The following OR1J2 variants were observed in gnomAD, a reference collection of about 807,000 sequenced individuals.
The protein encoded by OR1J2 is olfactory receptor family 1 subfamily J member 2, also known as olfactory receptor 1J2.
For synonymous variants in OR1J2, 142 were observed against 99.7 expected (o/e 1.42, Z -2.52); for missense variants, 304 against 246.1 (o/e 1.24, Z -1.57).
the OR1J2 span, among the ~76,000 whole-genome samples, chr9:122,534,752 G>A: frequency 6.6e-6 from 1 of 152,096 alleles, no homozygotes; most frequent in Non-Finnish European, 1.5e-5. Context: ...ACAGGTGGGA[G>A]GGAAAGAAGG....
chr9:122,565,715 T>C, the OR1J2 span, among the ~76,000 whole-genome samples: 1 of 152,246 alleles, frequency 6.6e-6, no homozygotes, highest in African/African-American at 2.4e-5. Context: ...ACTTACCTTC[T>C]CCCCACCTTC....
At chr9:122,489,931 T>G in the OR1J2 span, among the ~76,000 whole-genome samples, 11 of 152,106 alleles carry the variant, frequency 7.2e-5, no homozygotes, top group Non-Finnish European at 1.5e-4. Context: ...AGAGTAATAT[T>G]GTGAGAATTG....
the OR1J2 span, among the ~76,000 whole-genome samples, chr9:122,467,746 A>G: frequency 2.0e-5 from 3 of 152,334 alleles, no homozygotes; most frequent in Non-Finnish European, 2.9e-5. Context: ...CCCTGATCCT[A>G]CCTACTAAAA....
At chr9:122,526,187 A>G in the OR1J2 span, among the ~76,000 whole-genome samples, 1 of 152,204 alleles carries the variant, frequency 6.6e-6, no homozygotes, top group East Asian at 1.9e-4. Flanking sequence ...TCCAAGTTAC[A>G]TTATTAGATA....
chr9:122,488,333 T>C, the OR1J2 span, among the ~76,000 whole-genome samples: 15 of 152,220 alleles, frequency 9.9e-5, no homozygotes, highest in East Asian at 1.2e-3. Flanking sequence ...GAAATGGGGT[T>C]TTGCCATGTT....
the OR1J2 span, among the ~76,000 whole-genome samples, chr9:122,525,110 G>C: frequency 6.6e-6 from 1 of 152,138 alleles, no homozygotes; most frequent in Non-Finnish European, 1.5e-5. Context: ...GTTACATGAC[G>C]ATGCCCTGCT....
upstream of OR1J2, among the ~76,000 whole-genome samples, chr9:122,506,922 C>A (rs541032062): frequency 6.6e-6 from 1 of 152,308 alleles, no homozygotes; most frequent in African/African-American, 2.4e-5. Flanking sequence ...AGAATCCAAG[C>A]ATTCCAAAGT....
At chr9:122,483,397 T>C in the OR1J2 span, among the ~76,000 whole-genome samples, 2 of 152,316 alleles carry the variant, frequency 1.3e-5, no homozygotes, top group Admixed American at 1.3e-4. Context: ...TTTATTTATG[T>C]AATTCTATCC....
At chr9:122,455,948 C>G in the OR1J2 span, among the ~76,000 whole-genome samples, 27 of 152,156 alleles carry the variant, frequency 1.8e-4, no homozygotes, top group African/African-American at 6.3e-4. Context: ...GTTGAAGAGA[C>G]TATTCTTTCT....
chr9:122,567,996 G>A, the OR1J2 span: 1 of 1,614,142 alleles, frequency 6.2e-7, no homozygotes, highest in Non-Finnish European at 8.5e-7. Context: ...CAGCAGAAGT[G>A]TGTGCAGGAG....
At chr9:122,559,931 TTAAAGTCTCC>T in the OR1J2 span, among the ~76,000 whole-genome samples, 1 of 152,206 alleles carries the variant, frequency 6.6e-6, no homozygotes, top group Non-Finnish European at 1.5e-5. Flanking sequence ...CAGTGGGGTG[TTAAAGTCTCC>T]CACTATTATT....
chr9:122,510,219 G>T (rs1332754030), upstream of OR1J2, among the ~76,000 whole-genome samples: 1 of 152,122 alleles, frequency 6.6e-6, no homozygotes, highest in Admixed American at 6.5e-5. Context: ...ACCATGGCTG[G>T]TGAAGTCAGA....
chr9:122,526,954 CCAGG>C, the OR1J2 span: 1 of 1,614,086 alleles, frequency 6.2e-7, no homozygotes, highest in South Asian at 1.1e-5. Context: ...GCCATGGCAG[CCAGG>C]AAGAAGCTGT....
chr9:122,546,577 G>T, the OR1J2 span, among the ~76,000 whole-genome samples: 109 of 152,150 alleles, frequency 7.2e-4, 1 homozygote, highest in East Asian at 0.02. Context: ...AAATGCTACG[G>T]ATACAACTAG....
At chr9:122,514,842 G>A (rs1018256141), downstream of OR1J2, among the ~76,000 whole-genome samples, 6 of 152,236 alleles carry the variant, frequency 3.9e-5, no homozygotes, top group Middle Eastern at 3.4e-3. Flanking sequence ...CTCTTCCTAA[G>A]GACAGAGATT....
At chr9:122,465,384 G>A in the OR1J2 span, among the ~76,000 whole-genome samples, 2 of 152,158 alleles carry the variant, frequency 1.3e-5, no homozygotes, top group Admixed American at 1.3e-4. Flanking sequence ...AGATTAATAA[G>A]CAGAATGGGA....
chr9:122,514,640 C>A (rs970136859), downstream of OR1J2, among the ~76,000 whole-genome samples: 3 of 152,198 alleles, frequency 2.0e-5, no homozygotes, highest in Non-Finnish European at 1.5e-5. Flanking sequence ...CCTTTGTTTT[C>A]ATGTTTATAT....
chr9:122,547,620 AGTGTGTGTGT>A, the OR1J2 span, among the ~76,000 whole-genome samples: 60 of 142,982 alleles, frequency 4.2e-4, no homozygotes, highest in East Asian at 1.3e-3. Flanking sequence ...GTAGTAGTTC[AGTGTGTGTGT>A]GTGTGTGTGT....
At chr9:122,576,497 G>A in the OR1J2 span, among the ~76,000 whole-genome samples, 38,776 of 151,686 alleles carry the variant, frequency 0.26, 5,416 homozygotes, top group African/African-American at 0.32. Context: ...GGCCTCCCAA[G>A]GTTCTGGGAT....
Sources: gnomAD v4.1 joint callset for allele counts (sites outside exome capture counted in the v4.1 genomes callset) on GRCh38, gnomAD v4.1.1 for gene constraint, MANE v1.5 for transcripts, NCBI Gene and HGNC (gene_info 2026-07-23, HGNC 2026-07-21) for gene names.